The following KANK1 variants were observed in gnomAD, a reference collection of about 807,000 sequenced individuals.
KANK1 encodes the protein KN motif and ankyrin repeat domains 1, also known as KN motif and ankyrin repeat domain-containing protein 1.
KANK1 carries 109 observed loss-of-function variants against 106.2 expected under a neutral mutation model. The observed-to-expected ratio is 1.03, with a 90% CI of 0.88 to 1.20. The LOEUF (loss-of-function observed/expected upper bound fraction) is 1.20. Among genes scored for constraint, KANK1 ranks in the 50% most tolerant of loss-of-function variants. KANK1 has a pLI of 0.00. For missense variants in KANK1, 2,399 were observed against 1,710.7 expected, an observed-to-expected ratio of 1.40 and a Z score of -7.10; for synonymous variants, 873 against 652.2, an observed-to-expected ratio of 1.34 and a Z score of -5.16.
chr9:714,054 C>G (rs1034213646), intron 3 of KANK1, among the ~76,000 whole-genome samples: 1 of 149,508 alleles, frequency 6.7e-6, no homozygotes, highest in Non-Finnish European at 1.5e-5. Flanking sequence ...GCCTGGGCAA[C>G]ATAGTAAGAC....
rs540082620 is a variant in KANK1 at position 716,876 on chromosome 9, A to G, written c.2698+3412A>G. On this transcript the variant is annotated intron_variant, in intron 3 of 11. Coordinates refer to ENST00000382297, the MANE Select transcript of KANK1 (RefSeq NM_015158.5). Reference sequence around the variant, plus strand: ...GCCTGTAGCCTCAGCTACTCAGGAAACTGAGGTAGGATGATCTCTTGAGCC... The same window carrying G: ...GCCTGTAGCCTCAGCTACTCAGGAAGCTGAGGTAGGATGATCTCTTGAGCC... 2.2e-4 allele frequency among the ~76,000 whole-genome samples: 33 copies of G among 152,178 alleles called. 1 individual carries two copies. The highest frequency in any genetic ancestry group is 6.8e-3 in the Middle Eastern group (2 of 294).
chr9:605,758 C>T (rs1359721838), intron 1 of KANK1, among the ~76,000 whole-genome samples: 1 of 151,588 alleles, frequency 6.6e-6, no homozygotes, highest in Non-Finnish European at 1.5e-5. Flanking sequence ...AGATGGAGAC[C>T]ACCCAGTGGC....
chr9:671,623 A>AAAAAAAAAGAAGAAG lies in KANK1; in HGVS notation c.-83-5263_-83-5262insAAAAGAAGAAGAAAA, dbSNP rs79437342. On this transcript the variant is annotated intron_variant, in intron 1 of 11. Transcript: ENST00000382297. ...AGAGCGAAACTCCGTCTCAAAAAAA[A>AAAAAAAAAGAAGAAG]AAAAGAGTGTACTGGTTAAGTACTG... 5.8e-5 allele frequency among the ~76,000 whole-genome samples: 6 copies of AAAAAAAAAGAAGAAG among 103,636 alleles called. 1 individual carries two copies. The highest frequency in any genetic ancestry group is 1.1e-4 in the Non-Finnish European group (6 of 55,872). The allele number at this position is 103,636 out of a possible 152,430, so 68.0% of individuals were successfully genotyped here. A position where few individuals can be genotyped will look rare whatever the true frequency, so the allele number is the denominator to read the frequency against.
In KANK1 at chr9:513,703, T is replaced by C. The variant is rs116072509; in HGVS notation, c.-84+8949T>C. ...AATTTTTTCAGATTTCTGTTGTTAA[T>C]TCTGACTGGTTCACCCTTTGACCTT... On this transcript the variant is annotated intron_variant, in intron 1 of 11. Coordinates refer to ENST00000382297, the MANE Select transcript of KANK1 (RefSeq NM_015158.5). Among the ~76,000 whole-genome samples, 806 of 152,330 alleles carry C rather than the reference T, an allele frequency of 5.3e-3. 5 individuals carry two copies. Among genetic ancestry groups the C allele is most frequent in the African/African-American group, 0.017 (722 of 41,554 alleles).
At chr9:566,390 G>A (rs975605422) in intron 1 of KANK1, among the ~76,000 whole-genome samples, 3 of 152,126 alleles carry the variant, frequency 2.0e-5, no homozygotes, top group South Asian at 2.1e-4. Context: ...GGGATTTCTG[G>A]GTGGAATGGG....
Position 713,099 on chromosome 9 carries a change from C to T in KANK1, c.2333C>T (p.Thr778Ile). ...TATCTGGTTGGTCTCAAAATGAGGA[C>T]TATAGCTTGTGGGCCACCACAGTTG... ...DNYLVGLKMR[T>I]IACGPPQLTV... is the part of the protein sequence containing the mutation. The change falls in exon 3 of 12, where the codon ACT becomes ATT. Residue 778 changes from threonine to isoleucine, a missense_variant. Thr to Ile is a moderately conservative substitution (Grantham distance 89). Coordinates refer to ENST00000382297, the MANE Select transcript of KANK1 (RefSeq NM_015158.5). 1.2e-6 allele frequency: 2 copies of T among 1,610,568 alleles called. No individual in the cohort carries two copies. Among genetic ancestry groups the T allele is most frequent in the Non-Finnish European group, 1.7e-6 (2 of 1,177,400 alleles).
At chr9:532,727 T>G (rs2133581320) in intron 1 of KANK1, among the ~76,000 whole-genome samples, 1 of 152,312 alleles carries the variant, frequency 6.6e-6, no homozygotes, top group Non-Finnish European at 1.5e-5. Context: ...TTTATCACTG[T>G]TTTTGGAATA....
At chr9:579,130 G>C (rs1271382493) in intron 1 of KANK1, among the ~76,000 whole-genome samples, 1 of 152,220 alleles carries the variant, frequency 6.6e-6, no homozygotes, top group Non-Finnish European at 1.5e-5. Context: ...TGAAGCTGCA[G>C]GGATGGGAGG....
intron 7 of KANK1, 82 bp downstream of exon 7, chr9:734,917 C>T (rs1833360161): frequency 3.1e-6 from 3 of 982,176 alleles, no homozygotes; most frequent in Non-Finnish European, 4.9e-6. Flanking sequence ...TGTAGGCTGC[C>T]CGAGCTGTTG....
chr9:713,466 T>G lies in KANK1; in HGVS notation c.2698+2T>G. The G allele has an allele frequency of 6.3e-7, 1 of 1,576,778 alleles. No individual in the cohort carries two copies. Among genetic ancestry groups the G allele is most frequent in the Non-Finnish European group, 8.6e-7 (1 of 1,163,606 alleles). On this transcript the variant is annotated splice_donor_variant, in intron 3 of 11. Transcript: ENST00000382297. LOFTEE classifies it high-confidence loss of function. ...AAACCAGTCTGGGTAAAATCACAGG[T>G]AGGTGGTACCCTGAGGACCTGGGAA...
chr9:539,005 C>G (rs149839354), intron 1 of KANK1, among the ~76,000 whole-genome samples: 5 of 152,226 alleles, frequency 3.3e-5, no homozygotes, highest in South Asian at 4.1e-4. Flanking sequence ...CTCAGCCTCC[C>G]GAGTAGCTGG....
At chr9:580,089 C>T (rs9696248) in intron 1 of KANK1, among the ~76,000 whole-genome samples, 4 of 152,128 alleles carry the variant, frequency 2.6e-5, no homozygotes, top group Non-Finnish European at 4.4e-5. Context: ...GATGTTCGTA[C>T]GTGTTCAGAG....
chr9:494,097 G>A (rs1226732782), intron 3 of KANK1, among the ~76,000 whole-genome samples: 2 of 151,106 alleles, frequency 1.3e-5, no homozygotes, highest in African/African-American at 4.9e-5. Context: ...TAGCCAGGCT[G>A]GTCTGGAACT....
chr9:636,521 C>T (rs889844858), intron 1 of KANK1, among the ~76,000 whole-genome samples: 5 of 152,098 alleles, frequency 3.3e-5, no homozygotes, highest in East Asian at 1.9e-4. Flanking sequence ...CAACAGAGTC[C>T]GAAACGTTGT....
rs1834360745 is a variant in KANK1, at chr9:738,360, G to C, written c.3409G>C (p.Gly1137Arg). 4.3e-6 allele frequency: 7 copies of C among 1,614,106 alleles called. No individual in the cohort carries two copies. Among genetic ancestry groups the C allele is most frequent in the Non-Finnish European group, 5.9e-6 (7 of 1,180,032 alleles). The change falls in exon 8 of 12, where the codon GGG (glycine) becomes CGG (arginine). Residue 1137 changes from glycine (G) to arginine (R), a missense_variant. Physicochemically the swap from Gly to Arg is moderately radical, Grantham distance 125 (BLOSUM62 -2). Transcript: ENST00000382297. ...GAAGTCAGCCATTCCAGCCATGGTGGGGGACTACATAGCTGCTTTTGAGGC... is the reference window on the plus strand; with the variant it reads ...GAAGTCAGCCATTCCAGCCATGGTGCGGGACTACATAGCTGCTTTTGAGGC... ...SQKSAIPAMV[G>R]DYIAAFEAIS...
intron 3 of KANK1, among the ~76,000 whole-genome samples, chr9:728,917 A>G (rs1293669734): frequency 6.6e-6 from 1 of 152,174 alleles, no homozygotes; most frequent in Non-Finnish European, 1.5e-5. Flanking sequence ...TATACCTTAC[A>G]TGCATTGATT....
At position 729,660 on chromosome 9, in the gene KANK1, G is replaced by C. The variant is rs576985503; in HGVS notation, c.2699-391G>C. On this transcript the variant is annotated intron_variant, in intron 3 of 11. Coordinates refer to ENST00000382297, the MANE Select transcript of KANK1 (RefSeq NM_015158.5). ...GTGGACTACATTTCCTGAGCAGTGG[G>C]TGCTTTTTAGGCGTTGTCACATTTT... is the stretch of plus-strand genomic sequence containing the variant. Among the ~76,000 whole-genome samples the C allele has an allele frequency of 1.3e-3, 194 of 152,322 alleles. 2 individuals carry two copies. Among genetic ancestry groups the C allele is most frequent in the African/African-American group, 4.5e-3 (189 of 41,576 alleles).
intron 1 of KANK1, among the ~76,000 whole-genome samples, chr9:590,976 C>T (rs1338713542): frequency 6.6e-6 from 1 of 151,836 alleles, no homozygotes; most frequent in Admixed American, 6.6e-5. Flanking sequence ...TCTTTTCCCA[C>T]ACCCTTAACA....
At chr9:610,427 C>T (rs1015363241) in intron 1 of KANK1, among the ~76,000 whole-genome samples, 1 of 152,084 alleles carries the variant, frequency 6.6e-6, no homozygotes, top group Non-Finnish European at 1.5e-5. Context: ...TAATGGTGTA[C>T]TATATGGGTG....
Sources: gnomAD v4.1 joint callset for allele counts (sites outside exome capture counted in the v4.1 genomes callset) on GRCh38, gnomAD v4.1.1 for gene constraint, MANE v1.5 for transcripts, NCBI Gene and HGNC (gene_info 2026-07-23, HGNC 2026-07-21) for gene names.